Variants in TANC2 observed in about 807,000 individuals in gnomAD.
The protein encoded by TANC2 is protein TANC2.
TANC2 carries 26 observed loss-of-function variants against 210.5 expected under a neutral mutation model. That is an observed-to-expected ratio of 0.12 (90% CI 0.09 to 0.17). The LOEUF is 0.17. Ranked by LOEUF, TANC2 falls within the 10% of genes least tolerant of loss-of-function variation. The pLI, the probability that TANC2 is intolerant of heterozygous loss-of-function variation, is 1.00. For synonymous variants in TANC2, 931 were observed against 967.1 expected, an observed-to-expected ratio of 0.96 and a Z score of 0.69; for missense variants, 2,129 against 2,608.9, an observed-to-expected ratio of 0.82 and a Z score of 4.01.
At chr17:63,383,381 A>C (rs893482663) in intron 15 of TANC2, among the ~76,000 whole-genome samples, 26 of 152,226 alleles carry the variant, frequency 1.7e-4, no homozygotes, top group African/African-American at 6.3e-4. Context: ...TACCCTCCTC[A>C]ACCCCTGGCA....
In TANC2 at chr17:63,175,537, A is replaced by ACC. The variant is rs1567787102; in HGVS notation, c.434-18454_434-18453insCC. Among the ~76,000 whole-genome samples the ACC allele has an allele frequency of 1.4e-3, 183 of 131,692 alleles. 1 individual carries two copies. The highest frequency in any genetic ancestry group is 3.1e-3 in the African/African-American group (98 of 32,104). The allele number at this position is 131,692 out of a possible 152,430, so 86.4% of individuals were successfully genotyped here. ...GTGAGACCCTGTCTCCCCCGCCAAA[A>ACC]AAAAAAAAAAAAAAAAAAGATTTAG... On this transcript the variant is annotated intron_variant, in intron 5 of 27. Coordinates refer to ENST00000689528, the Ensembl canonical transcript of TANC2.
chr17:63,146,076 C>T (rs925433877), intron 4 of TANC2, among the ~76,000 whole-genome samples: 1 of 152,056 alleles, frequency 6.6e-6, no homozygotes, highest in Non-Finnish European at 1.5e-5. Context: ...TCTTTAATTT[C>T]TTTCAGCAAT....
At chr17:63,271,136 A>G (rs1272871570) in intron 9 of TANC2, among the ~76,000 whole-genome samples, 1 of 152,126 alleles carries the variant, frequency 6.6e-6, no homozygotes, top group African/African-American at 2.4e-5. Flanking sequence ...ATATGTGTGC[A>G]TGTGTCTTTA....
At chr17:63,091,688 A>T (rs2037200509) in intron 3 of TANC2, among the ~76,000 whole-genome samples, 1 of 152,206 alleles carries the variant, frequency 6.6e-6, no homozygotes, top group Non-Finnish European at 1.5e-5. Context: ...TGTCTTAGAA[A>T]TGCGGGCCCC....
intron 8 of TANC2, among the ~76,000 whole-genome samples, chr17:63,256,523 C>G (rs1198122935): frequency 6.6e-6 from 1 of 152,034 alleles, no homozygotes; most frequent in Non-Finnish European, 1.5e-5. Flanking sequence ...ATATGGTCTG[C>G]CCTTGAGAAT....
chr17:63,136,194 A>G (rs2145263899), intron 4 of TANC2, among the ~76,000 whole-genome samples: 1 of 152,286 alleles, frequency 6.6e-6, no homozygotes, highest in East Asian at 1.9e-4. Flanking sequence ...CCATTGAAGT[A>G]ATGTCTGTAG....
intron 9 of TANC2, among the ~76,000 whole-genome samples, chr17:63,273,698 A>C (rs1417242828): frequency 1.3e-5 from 2 of 152,218 alleles, no homozygotes; most frequent in African/African-American, 4.8e-5. Flanking sequence ...TCCCAAATCC[A>C]ACTACTTTTC....
At chr17:63,039,079 T>A (rs1002642087) in intron 2 of TANC2, among the ~76,000 whole-genome samples, 2 of 152,194 alleles carry the variant, frequency 1.3e-5, no homozygotes, top group Non-Finnish European at 2.9e-5. Context: ...TATTTGTTGA[T>A]GAAAGGTATG....
At chr17:63,028,100 T>C (rs1279077185) in intron 2 of TANC2, among the ~76,000 whole-genome samples, 1 of 152,138 alleles carries the variant, frequency 6.6e-6, no homozygotes, top group African/African-American at 2.4e-5. Context: ...CCCAAATGGA[T>C]CTTTAATACC....
chr17:63,328,773 A>ATAAC (rs1180814737), intron 11 of TANC2, among the ~76,000 whole-genome samples: 1 of 152,078 alleles, frequency 6.6e-6, no homozygotes, highest in Non-Finnish European at 1.5e-5. Flanking sequence ...ATATTTCAAA[A>ATAAC]TAACTAACTT....
At chr17:63,146,192 GT>G (rs1299548969) in intron 4 of TANC2, among the ~76,000 whole-genome samples, 1 of 151,376 alleles carries the variant, frequency 6.6e-6, no homozygotes, top group African/African-American at 2.4e-5. Flanking sequence ...GTCTCCTTAG[GT>G]TTTTTTTCTC....
intron 3 of TANC2, among the ~76,000 whole-genome samples, chr17:63,084,129 G>A (rs2036874522): frequency 6.6e-6 from 1 of 152,158 alleles, no homozygotes; most frequent in East Asian, 1.9e-4. Context: ...TTCTGTTTTG[G>A]AAGGTTACCA....
intron 9 of TANC2, among the ~76,000 whole-genome samples, chr17:63,293,373 A>C (rs914931014): frequency 1.3e-5 from 2 of 152,208 alleles, no homozygotes; most frequent in Non-Finnish European, 2.9e-5. Context: ...AATGAACCCC[A>C]AAAATAAGCC....
chr17:63,134,663 G>T (rs2039029297), intron 4 of TANC2, among the ~76,000 whole-genome samples: 2 of 152,066 alleles, frequency 1.3e-5, no homozygotes, highest in South Asian at 4.2e-4. Context: ...GAACAACTCA[G>T]ATTATGGCTC....
intron 2 of TANC2, among the ~76,000 whole-genome samples, chr17:63,071,001 G>T (rs982353062): frequency 6.6e-6 from 1 of 152,100 alleles, no homozygotes; most frequent in African/African-American, 2.4e-5. Flanking sequence ...CATCTCAAGT[G>T]GTTGATTTGA....
chr17:63,188,510 T>G (rs570896541), intron 5 of TANC2, among the ~76,000 whole-genome samples: 1 of 151,366 alleles, frequency 6.6e-6, no homozygotes, highest in South Asian at 2.1e-4. Flanking sequence ...GGAGAATTGC[T>G]TAAACCCAGG....
intron 8 of TANC2, among the ~76,000 whole-genome samples, chr17:63,255,898 CTTTT>C (rs1045544378): frequency 9.2e-6 from 1 of 108,330 alleles, no homozygotes; most frequent in Non-Finnish European, 1.9e-5. Context: ...GTTTATTTGA[CTTTT>C]CTTTTTTTTT....
At chr17:63,253,988 A>C (rs2146177771) in intron 8 of TANC2, among the ~76,000 whole-genome samples, 1 of 152,190 alleles carries the variant, frequency 6.6e-6, no homozygotes, top group Non-Finnish European at 1.5e-5. Flanking sequence ...TTGTGGTTTC[A>C]TATAAATTTT....
chr17:63,331,740 CTATT>C (rs2146716905), intron 11 of TANC2, among the ~76,000 whole-genome samples: 1 of 152,114 alleles, frequency 6.6e-6, no homozygotes, highest in East Asian at 1.9e-4. Context: ...ACAATCTCTC[CTATT>C]TATTTGACTT....
Sources: allele counts gnomAD v4.1 joint callset (sites outside exome capture counted in the v4.1 genomes callset), GRCh38; gene constraint gnomAD v4.1.1; transcripts MANE v1.5; gene names NCBI Gene and HGNC (gene_info 2026-07-23, HGNC 2026-07-21).